The following GPC5 variants were observed in gnomAD, a reference collection of about 807,000 sequenced individuals.
GPC5 encodes the protein glypican 5, also known as glypican-5.
GPC5 carries 47 observed loss-of-function variants against 53.9 expected under a neutral mutation model. The observed-to-expected ratio is 0.87, with a 90% confidence interval of 0.69 to 1.11. GPC5 has a LOEUF of 1.11. Ranked by LOEUF, GPC5 falls within the 50% of genes most tolerant of loss-of-function variation. The probability of loss-of-function intolerance (pLI) is 0.00; values close to 1 mark genes in which losing one functional copy is unlikely to be tolerated. For missense variants in GPC5, 748 were observed against 713.1 expected (o/e 1.05, Z -0.56); for synonymous variants, 286 against 263.3 (o/e 1.09, Z -0.84).
intron 2 of GPC5, among the ~76,000 whole-genome samples, chr13:91,518,035 T>C (rs1885597211): frequency 6.6e-6 from 1 of 152,244 alleles, no homozygotes; most frequent in African/African-American, 2.4e-5. Context: ...CACCATCTTA[T>C]AGCAAAATGA....
At chr13:91,578,855 G>T (rs980224124) in intron 2 of GPC5, among the ~76,000 whole-genome samples, 1 of 151,932 alleles carries the variant, frequency 6.6e-6, no homozygotes, top group Non-Finnish European at 1.5e-5. Flanking sequence ...AGACCAGCCT[G>T]GGTAACATTG....
intron 1 of GPC5, among the ~76,000 whole-genome samples, chr13:91,434,414 A>C (rs994978755): frequency 6.6e-6 from 1 of 152,046 alleles, no homozygotes; most frequent in African/African-American, 2.4e-5. Flanking sequence ...TCAGCTTTCT[A>C]CATATGGCTA....
chr13:92,138,935 C>A (rs2041807368), intron 6 of GPC5, among the ~76,000 whole-genome samples: 1 of 152,086 alleles, frequency 6.6e-6, no homozygotes, highest in African/African-American at 2.4e-5. Context: ...AAATAACAGA[C>A]TTTTTGCAAA....
At chr13:91,952,368 A>G (rs2040035234) in intron 6 of GPC5, among the ~76,000 whole-genome samples, 1 of 152,158 alleles carries the variant, frequency 6.6e-6, no homozygotes, top group Admixed American at 6.5e-5. Context: ...GTACCTGTTT[A>G]CCCTGCAATT....
At chr13:91,985,850 A>G (rs527562093) in intron 6 of GPC5, among the ~76,000 whole-genome samples, 5 of 152,096 alleles carry the variant, frequency 3.3e-5, no homozygotes, top group Non-Finnish European at 5.9e-5. Flanking sequence ...CTTCTTCAAG[A>G]TAACTGGTAA....
chr13:91,824,237 G>A (rs1431321718), intron 5 of GPC5, among the ~76,000 whole-genome samples: 1 of 151,938 alleles, frequency 6.6e-6, no homozygotes, highest in African/African-American at 2.4e-5. Context: ...CAACAAAAAT[G>A]ACATAAATGG....
chr13:92,725,759 G>C (rs1386553888), intron 7 of GPC5, among the ~76,000 whole-genome samples: 2 of 151,602 alleles, frequency 1.3e-5, no homozygotes, highest in East Asian at 3.9e-4. Context: ...CTTCACTGGA[G>C]TTATTAAACA....
chr13:91,689,136 T>A (rs2035686332), intron 2 of GPC5, among the ~76,000 whole-genome samples: 1 of 141,504 alleles, frequency 7.1e-6, no homozygotes, highest in Admixed American at 7.5e-5. Context: ...GGCATCACAC[T>A]GCAGCCTAGG....
intron 7 of GPC5, among the ~76,000 whole-genome samples, chr13:92,569,213 T>C (rs1435571665): frequency 6.6e-6 from 1 of 151,420 alleles, no homozygotes; most frequent in Non-Finnish European, 1.5e-5. Context: ...TTACTGAGAA[T>C]GATGATTTCC....
chr13:92,270,868 TC>T (rs1196247355), intron 7 of GPC5, among the ~76,000 whole-genome samples: 54 of 152,334 alleles, frequency 3.5e-4, no homozygotes, highest in Non-Finnish European at 6.8e-4. Context: ...CAGCCTTGGA[TC>T]TCTTCTATGC....
intron 7 of GPC5, among the ~76,000 whole-genome samples, chr13:92,797,134 T>C (rs1876713666): frequency 6.6e-6 from 1 of 151,946 alleles, no homozygotes; most frequent in South Asian, 2.1e-4. Flanking sequence ...AAAATGAGAA[T>C]ACTACTACAG....
chr13:92,447,234 C>A (rs564506216), intron 7 of GPC5: 2 of 152,188 alleles, frequency 1.3e-5, no homozygotes, highest in East Asian at 3.9e-4. Context: ...AGAGTTTCCC[C>A]AAAGTTTTCT....
chr13:91,979,959 C>G (rs2040342632), intron 6 of GPC5, among the ~76,000 whole-genome samples: 1 of 152,170 alleles, frequency 6.6e-6, no homozygotes, highest in Non-Finnish European at 1.5e-5. Flanking sequence ...AGAGACACCT[C>G]CGCCTTTTAC....
chr13:92,613,397 A>ATT (rs1884530662), intron 7 of GPC5, among the ~76,000 whole-genome samples: 1 of 69,670 alleles, frequency 1.4e-5, no homozygotes, highest in African/African-American at 5.2e-5. Flanking sequence ...ATATATAAAT[A>ATT]TATATTATAT....
At chr13:92,386,838 A>G (rs1226613031) in intron 7 of GPC5, among the ~76,000 whole-genome samples, 2 of 152,062 alleles carry the variant, frequency 1.3e-5, no homozygotes, top group African/African-American at 4.8e-5. Context: ...TTTTAAAAAT[A>G]CTCTCTGCTA....
chr13:91,968,689 T>A (rs1260703043), intron 6 of GPC5, among the ~76,000 whole-genome samples: 1 of 152,096 alleles, frequency 6.6e-6, no homozygotes, highest in African/African-American at 2.4e-5. Flanking sequence ...CTCGAACTCC[T>A]GACCTCAGGT....
At chr13:92,619,653 AT>A (rs1287336327) in intron 7 of GPC5, among the ~76,000 whole-genome samples, 2 of 152,026 alleles carry the variant, frequency 1.3e-5, no homozygotes, top group Admixed American at 1.3e-4. Flanking sequence ...ATGATAAAAA[AT>A]GATTGTGAAA....
chr13:92,789,773 T>C lies in GPC5; in HGVS notation c.1562-76509T>C, dbSNP rs530187091. 7.9e-5 allele frequency among the ~76,000 whole-genome samples: 12 copies of C among 152,068 alleles called. No homozygotes were observed. In the South Asian group the frequency reaches 2.1e-3, roughly 26 times the overall value. ...AGAGGCACAGAACTAATAGGATAGA[T>C]GTATATATGAAAGGGAATTTATTAG... On this transcript the variant is annotated intron_variant, in intron 7 of 7. Coordinates refer to ENST00000377067, the MANE Select transcript of GPC5 (RefSeq NM_004466.6).
At chr13:91,951,053 T>C (rs893726889) in intron 6 of GPC5, among the ~76,000 whole-genome samples, 3 of 152,202 alleles carry the variant, frequency 2.0e-5, no homozygotes, top group Non-Finnish European at 4.4e-5. Flanking sequence ...AAAATTTCTG[T>C]GTATCACTCT....
Sources: gnomAD v4.1 joint callset for allele counts (sites outside exome capture counted in the v4.1 genomes callset) on GRCh38, gnomAD v4.1.1 for gene constraint, MANE v1.5 for transcripts, NCBI Gene and HGNC (gene_info 2026-07-23, HGNC 2026-07-21) for gene names.